PACRG: variants seen among roughly 807,000 people sequenced by gnomAD.
PACRG encodes the protein parkin coregulated.
A neutral mutation model predicts 29.7 loss-of-function variants in PACRG; 29 were observed. The observed-to-expected ratio is 0.98, with a 90% CI of 0.73 to 1.33. The LOEUF (loss-of-function observed/expected upper bound fraction) is 1.33. Ranked by LOEUF, PACRG falls within the 40% of genes most tolerant of loss-of-function variation. The probability of loss-of-function intolerance (pLI) is 0.00; values close to 1 mark genes in which losing one functional copy is unlikely to be tolerated. For synonymous variants in PACRG, 116 were observed against 118.7 expected (o/e 0.98, Z 0.15); for missense variants, 279 against 316.2 (o/e 0.88, Z 0.89).
chr6:162,803,944 C>T (rs1298142948), intron 1 of PACRG, among the ~76,000 whole-genome samples: 1 of 151,740 alleles, frequency 6.6e-6, no homozygotes, highest in East Asian at 1.9e-4. Flanking sequence ...TTACAATAGG[C>T]AAAAAATTGA....
At position 163,178,662 on chromosome 6, in the gene PACRG, G is replaced by A. The variant is rs188868457; in HGVS notation, c.613+89254G>A. ...TTATGTTGAATTTTCTGTTACATGC[G>A]GCCAAACTTAATCTTTACATTAATG... On this transcript the variant is annotated intron_variant, in intron 4 of 4. Coordinates refer to ENST00000366888, the MANE Select transcript of PACRG (RefSeq NM_001080379.2). 1.2e-4 allele frequency among the ~76,000 whole-genome samples: 19 copies of A among 152,164 alleles called. No individual in the cohort carries two copies. The East Asian group carries it at 1.9e-3, about 15-fold the overall frequency.
In PACRG at chr6:162,831,911, A is replaced by G. The variant is rs555147845; in HGVS notation, c.291+17630A>G. ...ATTTTCTTTATCAAGTTTATCATTGATGGGCATTTGGGTTGATTCCATGTC... is the reference window on the plus strand; with the variant it reads ...ATTTTCTTTATCAAGTTTATCATTGGTGGGCATTTGGGTTGATTCCATGTC... On this transcript the variant is annotated intron_variant, in intron 2 of 4. Coordinates refer to ENST00000366888, the MANE Select transcript of PACRG (RefSeq NM_001080379.2). 3.5e-4 allele frequency among the ~76,000 whole-genome samples: 54 copies of G among 152,238 alleles called. 2 individuals carry two copies. The South Asian group carries it at 9.7e-3, about 27-fold the overall frequency.
At chr6:163,183,453 T>C (rs1405927848) in intron 4 of PACRG, 1 of 152,154 alleles carries the variant, frequency 6.6e-6, no homozygotes, top group Admixed American at 6.5e-5. Context: ...ACAAAACAGA[T>C]GAAGAGTGTG....
At chr6:163,307,029 T>C (rs1351156831) in intron 4 of PACRG, among the ~76,000 whole-genome samples, 1 of 152,202 alleles carries the variant, frequency 6.6e-6, no homozygotes, top group Admixed American at 6.6e-5. Context: ...GCTATTTGCC[T>C]TGAAGTCCAG....
intron 1 of PACRG, among the ~76,000 whole-genome samples, chr6:162,776,238 C>A (rs1783632976): frequency 6.6e-6 from 1 of 152,196 alleles, no homozygotes; most frequent in Admixed American, 6.5e-5. Context: ...TCAGATTCTC[C>A]TGTAGCATTG....
chr6:162,773,575 C>A lies in PACRG; in HGVS notation c.157-40572C>A, dbSNP rs1339676457. Among the ~76,000 whole-genome samples, 4 of 133,222 alleles carry A rather than the reference C, an allele frequency of 3.0e-5. No individual in the cohort carries two copies. The South Asian group carries it at 9.3e-4, about 31-fold the overall frequency. The allele number at this position is 133,222 out of a possible 152,430, so 87.4% of individuals were successfully genotyped here. A position where few individuals can be genotyped will look rare whatever the true frequency, so the allele number is the denominator to read the frequency against. On this transcript the variant is annotated intron_variant, in intron 1 of 4. Transcript: ENST00000366888. ...CAGGCCGGACTGCGGACTGCAGTGG[C>A]GCAATCTCGGCTCACTGCAAGCTCC...
At chr6:163,262,283 T>A (rs1278672422) in intron 4 of PACRG, among the ~76,000 whole-genome samples, 1 of 152,226 alleles carries the variant, frequency 6.6e-6, no homozygotes, top group Non-Finnish European at 1.5e-5. Flanking sequence ...TTATTTATGT[T>A]CTAAAGTGCT....
chr6:163,208,790 T>A (rs1336881250), intron 4 of PACRG, among the ~76,000 whole-genome samples: 1 of 152,232 alleles, frequency 6.6e-6, no homozygotes, highest in Admixed American at 6.5e-5. Context: ...GATTAGCATC[T>A]CTTAGAATTG....
chr6:163,027,879 G>T (rs1172741526), intron 2 of PACRG, among the ~76,000 whole-genome samples: 1 of 152,194 alleles, frequency 6.6e-6, no homozygotes, highest in Non-Finnish European at 1.5e-5. Context: ...TGATTGGAGA[G>T]CATCTCTTTT....
chr6:163,151,116 A>G (rs6455867), intron 4 of PACRG, among the ~76,000 whole-genome samples: 112,377 of 152,140 alleles, frequency 0.74, 42,410 homozygotes, highest in African/African-American at 0.91. Context: ...TTGCTTTAAC[A>G]TGACTGCAAT....
intron 3 of PACRG, among the ~76,000 whole-genome samples, chr6:163,080,239 C>G (rs1285775208): frequency 1.3e-5 from 2 of 152,100 alleles, no homozygotes; most frequent in Non-Finnish European, 2.9e-5. Flanking sequence ...GCAGCATTCT[C>G]TTGGTTTTTA....
In PACRG at chr6:163,150,936, C is replaced by T. The variant is rs533212496; in HGVS notation, c.613+61528C>T. On this transcript the variant is annotated intron_variant, in intron 4 of 4. Coordinates refer to ENST00000366888, the MANE Select transcript of PACRG (RefSeq NM_001080379.2). ...ATTGGTTTGGGGTGTTTGCTCTGCC[C>T]GGGAACTTCAAAAACCAGTTTCTGA... Among the ~76,000 whole-genome samples, 171 of 152,174 alleles carry T rather than the reference C, an allele frequency of 1.1e-3. 1 individual carries two copies. Among genetic ancestry groups the T allele is most frequent in the African/African-American group, 3.7e-3 (154 of 41,526 alleles).
intron 3 of PACRG, among the ~76,000 whole-genome samples, chr6:163,082,564 G>A (rs1054264897): frequency 2.0e-5 from 3 of 152,064 alleles, no homozygotes; most frequent in South Asian, 2.1e-4. Context: ...TTTTAAAAGC[G>A]CTTATCTTTT....
chr6:162,945,398 C>CA (rs1226725581), intron 2 of PACRG, among the ~76,000 whole-genome samples: 2 of 151,602 alleles, frequency 1.3e-5, no homozygotes, highest in Non-Finnish European at 2.9e-5. Flanking sequence ...TAAAAAACAG[C>CA]AAAAAATGAA....
At chr6:162,985,561 A>G (rs4476800) in intron 2 of PACRG, among the ~76,000 whole-genome samples, 63,022 of 151,846 alleles carry the variant, frequency 0.42, 13,398 homozygotes, top group East Asian at 0.7. Context: ...ATATCTTAAC[A>G]TAATAAAAGC....
chr6:162,766,667 G>A (rs1042854718), intron 1 of PACRG, among the ~76,000 whole-genome samples: 21 of 151,984 alleles, frequency 1.4e-4, no homozygotes, highest in African/African-American at 3.4e-4. Context: ...ATGGCTGTAC[G>A]AATTTTGATA....
chr6:162,814,402 G>A (rs1215620018), intron 2 of PACRG, 121 bp downstream of exon 2: 1 of 1,295,762 alleles, frequency 7.7e-7, no homozygotes, highest in African/African-American at 1.5e-5. Context: ...ATGGAAGATG[G>A]TGGGAAAGCT....
rs575339807 is a variant in PACRG at position 163,128,702 on chromosome 6, T to C, written c.613+39294T>C. Reference sequence around the variant, plus strand: ...TGATCATGGACAAGATCTCAGACTGTCATTTAGCCAAAACTGTGTACATAT... The same window carrying C: ...TGATCATGGACAAGATCTCAGACTGCCATTTAGCCAAAACTGTGTACATAT... On this transcript the variant is annotated intron_variant, in intron 4 of 4. Coordinates refer to ENST00000366888, the MANE Select transcript of PACRG (RefSeq NM_001080379.2). Among the ~76,000 whole-genome samples the C allele has an allele frequency of 5.9e-5, 9 of 152,336 alleles. No homozygotes were observed. The East Asian group carries it at 1.7e-3, about 29-fold the overall frequency.
intron 2 of PACRG, among the ~76,000 whole-genome samples, chr6:163,014,491 C>A (rs1399763605): frequency 2.0e-5 from 3 of 148,072 alleles, no homozygotes; most frequent in African/African-American, 7.5e-5. Context: ...TAAGTGTTCC[C>A]TTTTTTCTGC....
Sources: gnomAD v4.1 joint callset for allele counts (sites outside exome capture counted in the v4.1 genomes callset) on GRCh38, gnomAD v4.1.1 for gene constraint, MANE v1.5 for transcripts, NCBI Gene and HGNC (gene_info 2026-07-23, HGNC 2026-07-21) for gene names.